RABGAP1L: variants seen among roughly 807,000 people sequenced by gnomAD.
RABGAP1L encodes the protein rab GTPase-activating protein 1-like.
A neutral mutation model predicts 137.7 loss-of-function variants in RABGAP1L; 63 were observed. That is an observed-to-expected ratio of 0.46 (90% CI 0.37 to 0.56). The LOEUF (loss-of-function observed/expected upper bound fraction) is 0.56, where lower values mean the gene tolerates loss of function less well. Among genes scored for constraint, RABGAP1L ranks in the 20% least tolerant of loss-of-function variants. The pLI, the probability that RABGAP1L is intolerant of heterozygous loss-of-function variation, is 0.00. For synonymous variants in RABGAP1L, 431 were observed against 433.7 expected (o/e 0.99, Z 0.08); for missense variants, 1,095 against 1,244.0 (o/e 0.88, Z 1.80).
At chr1:174,947,284 T>C (rs1409570442) in intron 19 of RABGAP1L, among the ~76,000 whole-genome samples, 1 of 151,836 alleles carries the variant, frequency 6.6e-6, no homozygotes, top group Non-Finnish European at 1.5e-5. Context: ...TTCACCATGT[T>C]GATCAGGCTG....
chr1:174,349,056 T>A (rs1456293573), intron 11 of RABGAP1L, among the ~76,000 whole-genome samples: 1 of 97,564 alleles, frequency 1.0e-5, no homozygotes, highest in Non-Finnish European at 2.2e-5. Context: ...GGGGGGGGGC[T>A]GACCCCCCCC....
chr1:174,195,731 T>TTTTCTTTC (rs758201910), intron 1 of RABGAP1L, among the ~76,000 whole-genome samples: 4 of 85,148 alleles, frequency 4.7e-5, no homozygotes, highest in South Asian at 6.6e-4. Context: ...CTTTTCTTTC[T>TTTTCTTTC]TTTCTTTCTT....
At chr1:174,624,911 C>T (rs1335203500) in intron 13 of RABGAP1L, among the ~76,000 whole-genome samples, 3 of 149,114 alleles carry the variant, frequency 2.0e-5, no homozygotes, top group Non-Finnish European at 4.4e-5. Context: ...TACTCTGTCA[C>T]CCAGGCTGGA....
At chr1:174,874,112 A>G (rs1297020155) in intron 19 of RABGAP1L, among the ~76,000 whole-genome samples, 1 of 152,212 alleles carries the variant, frequency 6.6e-6, no homozygotes, top group Non-Finnish European at 1.5e-5. Context: ...TCAGAACAAC[A>G]TTTAAAAATC....
chr1:174,836,704 CATTGTTCTCTGTT>C (rs1436797929), intron 19 of RABGAP1L, among the ~76,000 whole-genome samples: 1 of 152,180 alleles, frequency 6.6e-6, no homozygotes, highest in Non-Finnish European at 1.5e-5. Context: ...CATACTCTGA[CATTGTTCTCTGTT>C]ATATTTACTT....
chr1:174,538,325 T>G (rs1320392194), intron 13 of RABGAP1L, among the ~76,000 whole-genome samples: 1 of 152,198 alleles, frequency 6.6e-6, no homozygotes, highest in Non-Finnish European at 1.5e-5. Context: ...TAAATTTTAT[T>G]AGTATTTAAC....
chr1:174,977,716 C>T (rs1670768964), intron 22 of RABGAP1L, among the ~76,000 whole-genome samples: 2 of 152,176 alleles, frequency 1.3e-5, no homozygotes, highest in African/African-American at 4.8e-5. Flanking sequence ...AGACTCTCAG[C>T]CAGCCAAGTC....
chr1:174,423,833 C>T (rs1651640923), intron 13 of RABGAP1L, among the ~76,000 whole-genome samples: 1 of 151,982 alleles, frequency 6.6e-6, no homozygotes, highest in Admixed American at 6.5e-5. Context: ...AATTTAAGTA[C>T]AGAAGATAGA....
At chr1:174,359,990 T>A (rs1683992366) in intron 11 of RABGAP1L, among the ~76,000 whole-genome samples, 1 of 152,346 alleles carries the variant, frequency 6.6e-6, no homozygotes, top group African/African-American at 2.4e-5. Flanking sequence ...CCTGATTTGC[T>A]TTTACCTCTC....
chr1:174,993,077 AAC>A lies in RABGAP1L; in HGVS notation c.*3079_*3080del, dbSNP rs2149405124. On this transcript the variant is annotated 3_prime_UTR_variant, in exon 26 of 26. Transcript: ENST00000681986. ...TCAGCTTTTGTATCTTGAGAATCTAAACACGTCTTTAAATCTGAAAGAAACCA... is the reference window on the plus strand; with the variant it reads ...TCAGCTTTTGTATCTTGAGAATCTAAACGTCTTTAAATCTGAAAGAAACCA... The A allele has an allele frequency of 6.6e-6, 1 of 152,350 alleles. No homozygotes were observed. Among genetic ancestry groups the A allele is most frequent in the East Asian group, 1.9e-4 (1 of 5,186 alleles). The allele number at this position is 152,350 out of a possible 1,614,324, so 9.4% of individuals were successfully genotyped here. A position where few individuals can be genotyped will look rare whatever the true frequency, so the allele number is the denominator to read the frequency against.
At chr1:174,850,455 C>G (rs1648111286) in intron 19 of RABGAP1L, among the ~76,000 whole-genome samples, 1 of 152,184 alleles carries the variant, frequency 6.6e-6, no homozygotes, top group Non-Finnish European at 1.5e-5. Context: ...CTTGCTTTTT[C>G]CTGTATATCT....
At chr1:174,715,047 G>C (rs1183708957) in intron 17 of RABGAP1L, among the ~76,000 whole-genome samples, 1 of 152,040 alleles carries the variant, frequency 6.6e-6, no homozygotes, top group East Asian at 1.9e-4. Flanking sequence ...TTATAATTTG[G>C]TCCTCAGGGT....
chr1:174,186,038 G>A (rs1187209228), intron 1 of RABGAP1L, among the ~76,000 whole-genome samples: 6 of 151,846 alleles, frequency 4.0e-5, no homozygotes, highest in African/African-American at 1.5e-4. Flanking sequence ...AGCTACTTGG[G>A]AAGGGTGAGG....
At chr1:174,604,658 A>G (rs999262953) in intron 13 of RABGAP1L, among the ~76,000 whole-genome samples, 5 of 152,170 alleles carry the variant, frequency 3.3e-5, no homozygotes, top group African/African-American at 9.7e-5. Context: ...TTTGTAAGTG[A>G]TGATACCAGT....
intron 11 of RABGAP1L, among the ~76,000 whole-genome samples, chr1:174,359,775 C>A (rs1316377563): frequency 1.3e-5 from 2 of 152,206 alleles, no homozygotes; most frequent in Admixed American, 1.3e-4. Context: ...GTTACTTAAC[C>A]TCTCTCTGCC....
At chr1:174,604,511 TTG>T (rs1670637109) in intron 13 of RABGAP1L, among the ~76,000 whole-genome samples, 1 of 152,206 alleles carries the variant, frequency 6.6e-6, no homozygotes, top group African/African-American at 2.4e-5. Context: ...GGCACTGTGA[TTG>T]TGTACCTGAT....
rs181865186 is a variant in RABGAP1L at position 174,902,498 on chromosome 1, A to G, written c.2341-54959A>G. Among the ~76,000 whole-genome samples the G allele has an allele frequency of 3.9e-5, 6 of 152,238 alleles. No homozygotes were observed. The East Asian group carries it at 1.2e-3, about 29-fold the overall frequency. Reference sequence around the variant, plus strand: ...CCTTCCTAGGGATATATACAGATGGATTTCCCACCTTTCTGGGAATCCTGG... The same window carrying G: ...CCTTCCTAGGGATATATACAGATGGGTTTCCCACCTTTCTGGGAATCCTGG... On this transcript the variant is annotated intron_variant, in intron 19 of 25. Transcript: ENST00000681986.
intron 4 of RABGAP1L, among the ~76,000 whole-genome samples, chr1:174,237,793 A>G (rs1416400162): frequency 2.1e-5 from 3 of 145,908 alleles, no homozygotes; most frequent in Non-Finnish European, 4.5e-5. Context: ...CGTTCTCTGT[A>G]TTTCCTGAAT....
chr1:174,565,541 T>G (rs1667518809), intron 13 of RABGAP1L, among the ~76,000 whole-genome samples: 1 of 152,174 alleles, frequency 6.6e-6, no homozygotes, highest in Non-Finnish European at 1.5e-5. Flanking sequence ...TACTTTCTCT[T>G]ATGTTCTCCC....
Sources: allele counts gnomAD v4.1 joint callset (sites outside exome capture counted in the v4.1 genomes callset), GRCh38; gene constraint gnomAD v4.1.1; transcripts MANE v1.5; gene names NCBI Gene and HGNC (gene_info 2026-07-23, HGNC 2026-07-21).